Variants in VPS13A observed in about 807,000 individuals in gnomAD.
VPS13A encodes intermembrane lipid transfer protein VPS13A.
In VPS13A, 264 loss-of-function variants were observed where a neutral mutation model predicts 390.9. That is an observed-to-expected ratio of 0.68 (90% CI 0.61 to 0.75). The LOEUF is 0.75. Among genes scored for constraint, VPS13A ranks in the 30% least tolerant of loss-of-function variants. The pLI is 0.00. For missense variants in VPS13A, 3,409 were observed against 3,733.9 expected (o/e 0.91, Z 2.27); for synonymous variants, 1,231 against 1,227.1 (o/e 1.00, Z -0.07).
intron 4 of VPS13A, among the ~76,000 whole-genome samples, chr9:77,205,616 GA>G (rs1010407226): frequency 1.9e-4 from 28 of 151,208 alleles, no homozygotes; most frequent in African/African-American, 6.5e-4. Flanking sequence ...TTTTAAGATG[GA>G]GTCTCGCACT....
At chr9:77,258,028 T>C (rs930301567) in intron 22 of VPS13A, among the ~76,000 whole-genome samples, 2 of 152,208 alleles carry the variant, frequency 1.3e-5, no homozygotes, top group Non-Finnish European at 2.9e-5. Flanking sequence ...ATTATTATAT[T>C]TCATTGTTAG....
chr9:77,384,666 T>G (rs191570384), intron 68 of VPS13A: 2 of 1,597,212 alleles, frequency 1.3e-6, no homozygotes, highest in East Asian at 2.2e-5. Flanking sequence ...TGATGATGAG[T>G]CAGATCTAAA....
At chr9:77,288,968 A>G (rs1183809007) in intron 31 of VPS13A, among the ~76,000 whole-genome samples, 1 of 152,146 alleles carries the variant, frequency 6.6e-6, no homozygotes, top group Non-Finnish European at 1.5e-5. Context: ...GTGTCTTTTT[A>G]TCTGTGGTAA....
intron 13 of VPS13A, 75 bp from the exon 14 acceptor site, chr9:77,225,851 G>A: frequency 8.7e-7 from 1 of 1,143,342 alleles, no homozygotes; most frequent in Non-Finnish European, 1.3e-6. Flanking sequence ...GCAGCCATTT[G>A]ATAGATTATG....
Position 77,339,870 on chromosome 9 carries a change from C to A in VPS13A, c.6733C>A (p.Leu2245Ile), listed in dbSNP as rs1272031858. 4 of 1,613,182 alleles carry A rather than the reference C, an allele frequency of 2.5e-6. No homozygotes were observed. Among genetic ancestry groups the A allele is most frequent in the Non-Finnish European group, 3.4e-6 (4 of 1,179,908 alleles). Residue 2245 changes from leucine to isoleucine, a missense_variant, in exon 48 of 72, where the codon CTC becomes ATC. Physicochemically the swap from Leu to Ile is conservative, Grantham distance 5. Around this residue, in one of 5 missense-constraint regions of VPS13A, gnomAD observed 2,717 missense variants for 2,917.4 expected, o/e 0.93. Transcript: ENST00000360280. Reference sequence around the variant, plus strand: ...TCCACCTAATTATAAAAAGCCAGTTCTCTTTTCTTTTCAGCCAAATCACTT... The same window carrying A: ...TCCACCTAATTATAAAAAGCCAGTTATCTTTTCTTTTCAGCCAAATCACTT... The part of the protein sequence containing the change: ...KHPPNYKKPV[L>I]FSFQPNHFFN...
At chr9:77,394,259 G>T (rs1304040729) in intron 68 of VPS13A, among the ~76,000 whole-genome samples, 1 of 151,772 alleles carries the variant, frequency 6.6e-6, no homozygotes, top group Non-Finnish European at 1.5e-5. Context: ...TAGAGATGGG[G>T]TTTCACCATG....
chr9:77,383,016 A>G, intron 68 of VPS13A: 1 of 985,278 alleles, frequency 1.0e-6, no homozygotes, highest in East Asian at 1.1e-4. Flanking sequence ...ACAAGGAATC[A>G]TTATGTTATG....
chr9:77,260,541 G>A (rs1191683707), intron 23 of VPS13A, among the ~76,000 whole-genome samples: 1 of 151,598 alleles, frequency 6.6e-6, no homozygotes, highest in African/African-American at 2.4e-5. Context: ...ATTTTTAGCA[G>A]AGACGGGGTT....
In VPS13A at chr9:77,238,262, A is replaced by G. The variant is rs773816942; in HGVS notation, c.1786-10A>G. ...CTTTGAGTTTGTGTTAATGATGTTT[A>G]TTTTAACAGAGGACAGTGAATAGTA... On this transcript the variant is annotated splice_polypyrimidine_tract_variant and intron_variant, in intron 18 of 71. Transcript: ENST00000360280. 1.2e-6 allele frequency: 2 copies of G among 1,611,196 alleles called. No individual in the cohort carries two copies. Among genetic ancestry groups the G allele is most frequent in the Non-Finnish European group, 1.7e-6 (2 of 1,177,530 alleles).
intron 27 of VPS13A, among the ~76,000 whole-genome samples, chr9:77,280,989 A>G (rs573690845): frequency 6.6e-6 from 1 of 152,300 alleles, no homozygotes; most frequent in East Asian, 1.9e-4. Context: ...GTCGACATAG[A>G]TGAATGTGGA....
rs556612735 is a variant in VPS13A at position 77,228,025 on chromosome 9, A to C, written c.1453-97A>C. 7.4e-6 allele frequency: 7 copies of C among 942,266 alleles called. No homozygotes were observed. In the East Asian group the frequency reaches 2.1e-4, roughly 28 times the overall value. 58.4% of individuals were successfully genotyped at this position (942,266 alleles called of 1,614,324 possible). A position where few individuals can be genotyped will look rare whatever the true frequency, so the allele number is the denominator to read the frequency against. On this transcript the variant is annotated intron_variant, in intron 16 of 71. Coordinates refer to ENST00000360280, the MANE Select transcript of VPS13A (RefSeq NM_033305.3). ...CTTGAAGAAATAAAATGTCCTTAAA[A>C]TATTTGGTGGTTTTTGAAATGAATG... is the stretch of plus-strand genomic sequence containing the variant.
At chr9:77,293,655 A>T (rs1253727236) in intron 32 of VPS13A, 147 bp downstream of exon 32, 1 of 401,562 alleles carries the variant, frequency 2.5e-6, no homozygotes, top group Non-Finnish European at 4.3e-6. Context: ...TACATAATAA[A>T]TGTGTAGTTC....
intron 71 of VPS13A, among the ~76,000 whole-genome samples, chr9:77,412,647 G>C (rs975342123): frequency 6.6e-6 from 1 of 152,084 alleles, no homozygotes; most frequent in Non-Finnish European, 1.5e-5. Flanking sequence ...ATATCATACC[G>C]AATGGGCAAA....
chr9:77,204,547 TATAC>T (rs537679944), intron 3 of VPS13A, among the ~76,000 whole-genome samples: 29 of 152,284 alleles, frequency 1.9e-4, no homozygotes, highest in African/African-American at 5.5e-4. Context: ...TGTGAATTAC[TATAC>T]ATACATACAT....
intron 71 of VPS13A, among the ~76,000 whole-genome samples, chr9:77,408,611 A>T (rs1834743526): frequency 6.6e-6 from 1 of 152,198 alleles, no homozygotes; most frequent in African/African-American, 2.4e-5. Flanking sequence ...TGCTTTTCCA[A>T]CGGTCTTAGC....
chr9:77,359,439 AT>A, intron 58 of VPS13A, 37 bp downstream of exon 58: 2 of 1,519,106 alleles, frequency 1.3e-6, no homozygotes, highest in Non-Finnish European at 1.8e-6. Context: ...TATTTATTTA[AT>A]GTTTGATTTA....
At chr9:77,226,346 G>A in intron 14 of VPS13A, 120 bp from the exon 15 acceptor site, 2 of 904,556 alleles carry the variant, frequency 2.2e-6, no homozygotes, top group Non-Finnish European at 1.8e-6. Context: ...TTATTAATGT[G>A]TATATTGTTT....
At chr9:77,294,210 G>T (rs76350087) in intron 32 of VPS13A, among the ~76,000 whole-genome samples, 2,169 of 152,164 alleles carry the variant, frequency 0.014, 51 homozygotes, top group African/African-American at 0.05. Context: ...CATTATGTCT[G>T]GCCCAAGAAA....
intron 71 of VPS13A, among the ~76,000 whole-genome samples, chr9:77,410,682 C>G (rs527733833): frequency 1.7e-3 from 253 of 152,050 alleles, no homozygotes; most frequent in Middle Eastern, 3.4e-3. Context: ...CAACAAAGAT[C>G]AAAAGAGACA....
Sources: allele counts gnomAD v4.1 joint callset (sites outside exome capture counted in the v4.1 genomes callset), GRCh38; gene constraint gnomAD v4.1.1; regional missense constraint gnomAD v4.1.1; transcripts MANE v1.5; gene names NCBI Gene and HGNC (gene_info 2026-07-23, HGNC 2026-07-21).